The following TTC39A variants were observed in gnomAD, a reference collection of about 807,000 sequenced individuals.
The protein encoded by TTC39A is tetratricopeptide repeat domain 39A.
Under a neutral mutation model 82.3 loss-of-function variants are expected in TTC39A, and 46 were observed. The ratio of observed to expected loss-of-function variants is 0.56; its 90% confidence interval spans 0.44 to 0.71. TTC39A has a LOEUF of 0.71. TTC39A is among the 30% of genes least tolerant of loss of function. TTC39A has a pLI of 0.00. For missense variants in TTC39A, 543 were observed against 712.9 expected, an observed-to-expected ratio of 0.76 and a Z score of 2.71; for synonymous variants, 254 against 275.2, an observed-to-expected ratio of 0.92 and a Z score of 0.76.
upstream of TTC39A, among the ~76,000 whole-genome samples, chr1:51,332,706 A>G (rs143280369): frequency 2.3e-3 from 355 of 152,324 alleles, no homozygotes; most frequent in African/African-American, 8.1e-3. Context: ...CATTAATGGT[A>G]TGTTATATTT....
intron 1 of TTC39A, among the ~76,000 whole-genome samples, chr1:51,326,682 G>A (rs1464991806): frequency 6.6e-6 from 1 of 152,192 alleles, no homozygotes; most frequent in East Asian, 1.9e-4. Context: ...CTCCTCTCAG[G>A]AGCCTGGGAG....
At chr1:51,322,317 C>T in intron 1 of TTC39A, 1 of 1,397,954 alleles carries the variant, frequency 7.2e-7, no homozygotes, top group African/African-American at 1.5e-5. Context: ...GGGTCAGCAG[C>T]CCCAAACGAG....
Position 51,312,164 on chromosome 1 carries a change from AG to A in TTC39A, c.309del (p.Phe104SerfsTer5). On this transcript the variant is annotated frameshift_variant, in exon 4 of 18. Transcript: ENST00000680483. LOFTEE classifies it high-confidence loss of function. ...GTGGGGCGGTTCACCAGGCTGCTGA[AG>A]GAATCTGTTACAGAAGACTTCCTCC... ...RHRRKSSVTD[S>X]FSSLVNRPTL... 1 of 1,611,314 alleles carries A rather than the reference AG, an allele frequency of 6.2e-7. No homozygotes were observed. Among genetic ancestry groups the A allele is most frequent in the Non-Finnish European group, 8.5e-7 (1 of 1,178,870 alleles).
upstream of TTC39A, chr1:51,331,388 C>T: frequency 6.8e-7 from 1 of 1,467,016 alleles, no homozygotes; most frequent in Non-Finnish European, 9.0e-7. Context: ...GTCACCATCT[C>T]CTGGCCCCAG....
chr1:51,344,734 C>G (rs542364479), intron 1 of TTC39A, among the ~76,000 whole-genome samples: 36 of 152,368 alleles, frequency 2.4e-4, no homozygotes, highest in African/African-American at 8.2e-4. Context: ...AGATAGCCCG[C>G]GTCTTGCGAC....
At chr1:51,316,092 C>T (rs1489114940) in intron 2 of TTC39A, among the ~76,000 whole-genome samples, 3 of 152,136 alleles carry the variant, frequency 2.0e-5, no homozygotes, top group African/African-American at 7.2e-5. Flanking sequence ...TTCTCGGCAC[C>T]CCTTATTGCT....
chr1:51,344,968 G>C (rs1441410600), intron 1 of TTC39A: 1 of 1,526,218 alleles, frequency 6.6e-7, no homozygotes, highest in Non-Finnish European at 8.8e-7. Flanking sequence ...GCCTTCCGCC[G>C]AGTCCCCACC....
intron 1 of TTC39A, among the ~76,000 whole-genome samples, chr1:51,324,071 T>C (rs1645622679): frequency 6.6e-6 from 1 of 152,196 alleles, no homozygotes; most frequent in South Asian, 2.1e-4. Flanking sequence ...AGTTACTTTT[T>C]TAAGTTTATG....
Position 51,287,952 on chromosome 1 carries a change from C to T in TTC39A, c.*205G>A, listed in dbSNP as rs1644050187. Reference sequence around the variant, plus strand: ...TGATAGGGCAGGCAGAGGGCTCCACCTGCTCTGCCCTTGGCAAAGGCCCTT... The same window carrying T: ...TGATAGGGCAGGCAGAGGGCTCCACTTGCTCTGCCCTTGGCAAAGGCCCTT... On this transcript the variant is annotated 3_prime_UTR_variant, in exon 18 of 18. Transcript: ENST00000680483. The T allele has an allele frequency of 1.4e-6, 1 of 699,314 alleles. No individual in the cohort carries two copies. Among genetic ancestry groups the T allele is most frequent in the Admixed American group, 3.0e-5 (1 of 33,386 alleles). 43.3% of individuals were successfully genotyped at this position (699,314 alleles called of 1,614,324 possible).
Position 51,311,312 on chromosome 1 carries a change from T to G in TTC39A, c.365A>C (p.His122Pro). Residue 122 changes from histidine to proline, a missense_variant, in exon 5 of 18, where the codon CAC becomes CCC. By Grantham distance (77) the His-to-Pro change is moderately conservative. Coordinates refer to ENST00000680483, the MANE Select transcript of TTC39A (RefSeq NM_001297663.2). ...GCACTCTGCATAGCAGACCTCAGCG[T>G]GGATTTCCTCTGTGGGGAGAAAACC... ...TLGQFTEEEIHAEVCYAECLL... is the reference protein window; with the variant it reads ...TLGQFTEEEIPAEVCYAECLL... The G allele has an allele frequency of 2.5e-6, 4 of 1,580,100 alleles. No individual in the cohort carries two copies. The highest frequency in any genetic ancestry group is 3.4e-6 in the Non-Finnish European group (4 of 1,163,286).
upstream of TTC39A, among the ~76,000 whole-genome samples, chr1:51,333,020 C>T (rs1247592328): frequency 1.3e-5 from 2 of 152,074 alleles, no homozygotes; most frequent in African/African-American, 2.4e-5. Context: ...CGAGACCAGC[C>T]TGACCAACAT....
intron 12 of TTC39A, chr1:51,298,561 C>T (rs1448434001): frequency 6.6e-6 from 1 of 152,412 alleles, no homozygotes; most frequent in Non-Finnish European, 1.5e-5. Context: ...GGGGCTGTGA[C>T]TTAGAGTTGT....
At chr1:51,339,499 G>A (rs1161195344) in intron 1 of TTC39A, among the ~76,000 whole-genome samples, 1 of 152,206 alleles carries the variant, frequency 6.6e-6, no homozygotes, top group African/African-American at 2.4e-5. Flanking sequence ...AGAAGATGTT[G>A]GAAGACACAT....
At chr1:51,331,352 G>T, upstream of TTC39A, 1 of 1,502,878 alleles carries the variant, frequency 6.7e-7, no homozygotes. Flanking sequence ...GGCACAGAAA[G>T]CCACTGGCCC....
In TTC39A at chr1:51,302,486, G is replaced by A. The variant is rs760849793; in HGVS notation, c.831+20C>T. 40 of 1,608,120 alleles carry A rather than the reference G, an allele frequency of 2.5e-5. No homozygotes were observed. Among genetic ancestry groups the A allele is most frequent in the Middle Eastern group, 3.3e-4 (2 of 6,080 alleles). On this transcript the variant is annotated intron_variant, in intron 10 of 17. Transcript: ENST00000680483. Reference sequence around the variant, plus strand: ...TGGGTGTTTGTGGGCTGGGGGTACCGGGCAGCACATGGGGCTCACCTTAGG... The same window carrying A: ...TGGGTGTTTGTGGGCTGGGGGTACCAGGCAGCACATGGGGCTCACCTTAGG...
In TTC39A at chr1:51,313,027, T is replaced by A; in HGVS notation, c.147-84A>T. 1.9e-6 allele frequency: 3 copies of A among 1,544,634 alleles called. No homozygotes were observed. The East Asian group carries it at 6.8e-5, about 35-fold the overall frequency. On this transcript the variant is annotated intron_variant, in intron 2 of 17. Transcript: ENST00000680483. ...CCTGGGCAGCTCATCTCCACCCTCC[T>A]CCATTCTGCAGTGAGGTGAGGGGAC...
intron 1 of TTC39A, among the ~76,000 whole-genome samples, chr1:51,340,192 A>G (rs1007908735): frequency 6.6e-6 from 1 of 152,168 alleles, no homozygotes; most frequent in Non-Finnish European, 1.5e-5. Flanking sequence ...CATTATAGCA[A>G]CCTGAATGGG....
In TTC39A at chr1:51,294,363, G is replaced by T; in HGVS notation, c.1266+28C>A. 6.2e-7 allele frequency: 1 copy of T among 1,613,752 alleles called. No individual in the cohort carries two copies. The highest frequency in any genetic ancestry group is 8.5e-7 in the Non-Finnish European group (1 of 1,179,822). On this transcript the variant is annotated intron_variant, in intron 14 of 17. Coordinates refer to ENST00000680483, the MANE Select transcript of TTC39A (RefSeq NM_001297663.2). The surrounding 1 kb of genome is among the most constrained non-coding windows in gnomAD (Gnocchi z 4.3). Reference sequence around the variant, plus strand: ...ATCCCCACAATCCTATACCCGGAGGGCAGCGCCAGTCCAGACCTCCTACCC... The same window carrying T: ...ATCCCCACAATCCTATACCCGGAGGTCAGCGCCAGTCCAGACCTCCTACCC...
chr1:51,330,767 C>CTCT, upstream of TTC39A: 1 of 450,524 alleles, frequency 2.2e-6, no homozygotes, highest in Non-Finnish European at 3.4e-6. The surrounding 1 kb of genome is among the most constrained non-coding windows in gnomAD (Gnocchi z 4.5). Context: ...AGACACCGCC[C>CTCT]GGGCCGGGAG....
Sources: allele counts gnomAD v4.1 joint callset (sites outside exome capture counted in the v4.1 genomes callset), GRCh38; gene constraint gnomAD v4.1.1; non-coding constraint Gnocchi (gnomAD v3.1); transcripts MANE v1.5; gene names NCBI Gene and HGNC (gene_info 2026-07-23, HGNC 2026-07-21).